CACNA1C: variants seen among roughly 807,000 people sequenced by gnomAD.
The protein encoded by CACNA1C is calcium voltage-gated channel subunit alpha1 C.
CACNA1C carries 30 observed loss-of-function variants against 229.0 expected under a neutral mutation model. The observed-to-expected ratio is 0.13, with a 90% CI of 0.10 to 0.18. CACNA1C has a LOEUF of 0.18. Ranked by LOEUF, CACNA1C falls within the 10% of genes least tolerant of loss-of-function variation. The pLI is 1.00. For missense variants in CACNA1C, 1,658 were observed against 2,845.0 expected (o/e 0.58, Z 9.49); for synonymous variants, 1,114 against 1,132.5 (o/e 0.98, Z 0.33).
At chr12:2,532,045 G>A (rs1000430449) in intron 9 of CACNA1C, among the ~76,000 whole-genome samples, 1 of 152,134 alleles carries the variant, frequency 6.6e-6, no homozygotes, top group Non-Finnish European at 1.5e-5. Context: ...TGGGTGCAGT[G>A]GCATCCTCCC....
rs767514995 is a variant in CACNA1C at position 2,595,863 on chromosome 12, C to G, written c.2664-11C>G. ...TGACTTGTCTCTCCTCCTGTCCCCT[C>G]TCCCGTACAGGTTTCGCCTCCAGTG... On this transcript the variant is annotated splice_polypyrimidine_tract_variant and intron_variant, in intron 19 of 46. Transcript: ENST00000399655. This position sits in a 1 kb window ranked among gnomAD's most constrained non-coding sequence, Gnocchi z 4.1. 21 of 1,612,494 alleles carry G rather than the reference C, an allele frequency of 1.3e-5. No individual in the cohort carries two copies. In the East Asian group the frequency reaches 4.7e-4, roughly 36 times the overall value.
chr12:2,624,008 C>T (rs1055167410), intron 29 of CACNA1C, among the ~76,000 whole-genome samples: 8 of 152,212 alleles, frequency 5.3e-5, no homozygotes, highest in Non-Finnish European at 7.3e-5. Context: ...CTCAAGTGTG[C>T]TCAGACAGTT....
chr12:2,282,272 G>T (rs2091505600), intron 3 of CACNA1C, among the ~76,000 whole-genome samples: 1 of 152,102 alleles, frequency 6.6e-6, no homozygotes, highest in African/African-American at 2.4e-5. Context: ...GCTGGATTAG[G>T]GTACATCCAA....
At chr12:2,185,595 T>A (rs1050228140) in intron 3 of CACNA1C, among the ~76,000 whole-genome samples, 3 of 151,946 alleles carry the variant, frequency 2.0e-5, no homozygotes, top group Non-Finnish European at 4.4e-5. Flanking sequence ...CAGACACACA[T>A]AGAAGGAAAA....
chr12:1,982,207 CT>C (rs1398123551), intron 1 of CACNA1C, among the ~76,000 whole-genome samples: 1 of 151,962 alleles, frequency 6.6e-6, no homozygotes, highest in African/African-American at 2.4e-5. Context: ...GTATTTTTTC[CT>C]TTTTTATTGT....
intron 13 of CACNA1C, among the ~76,000 whole-genome samples, chr12:2,577,919 A>G (rs943804610): frequency 2.0e-5 from 3 of 147,720 alleles, no homozygotes; most frequent in Non-Finnish European, 4.5e-5. Flanking sequence ...CCCAGGCTGG[A>G]GTGCAGTGGC....
chr12:2,259,807 G>T (rs1418610117), intron 3 of CACNA1C, among the ~76,000 whole-genome samples: 18 of 152,262 alleles, frequency 1.2e-4, no homozygotes, highest in Admixed American at 9.8e-4. Context: ...ATGGTGGCAC[G>T]TGCCTTTGGT....
chr12:2,686,113 G>A, intron 44 of CACNA1C, 53 bp from the exon 45 acceptor site: 1 of 1,404,080 alleles, frequency 7.1e-7, no homozygotes, highest in Admixed American at 1.7e-5. Flanking sequence ...AACTGTCACA[G>A]GCCAGTGCCC....
chr12:2,090,310 C>CTTTTTTTTTTTTTTT (rs145675982), intron 1 of CACNA1C, among the ~76,000 whole-genome samples: 4 of 69,188 alleles, frequency 5.8e-5, no homozygotes, highest in African/African-American at 5.8e-5. Flanking sequence ...GGATAGACTA[C>CTTTTTTTTTTTTTTT]TTTTTTTTTT....
rs1455190942 is a variant in CACNA1C at position 2,504,507 on chromosome 12, C to T, written c.1114-335C>T. The T allele has an allele frequency of 2.5e-6, 4 of 1,610,602 alleles. No individual in the cohort carries two copies. The highest frequency in any genetic ancestry group is 2.7e-5 in the African/African-American group (2 of 74,782). On this transcript the variant is annotated intron_variant, in intron 7 of 46. Coordinates refer to ENST00000399655, the MANE Select transcript of CACNA1C (RefSeq NM_000719.7). The surrounding 1 kb of genome is among the most constrained non-coding windows in gnomAD (Gnocchi z 6.8). ...GTCTGGTCATCTTTGGATCCTTTTT[C>T]GTTCTAAATCTGGTTCTCGGTGTGT...
rs1003429068 is a variant in CACNA1C, at chr12:2,597,719, T to G, written c.2853+430T>G. On this transcript the variant is annotated intron_variant, in intron 21 of 46. Coordinates refer to ENST00000399655, the MANE Select transcript of CACNA1C (RefSeq NM_000719.7). The surrounding 1 kb of genome is among the most constrained non-coding windows in gnomAD (Gnocchi z 4.3). ...CACAGCTCCTCCCTCCAGCCACCCC[T>G]AAGCAGTCCGTGGCCTGGAAGGGAC... Among the ~76,000 whole-genome samples, 7 of 152,198 alleles carry G rather than the reference T, an allele frequency of 4.6e-5. No homozygotes were observed. The highest frequency in any genetic ancestry group is 8.8e-5 in the Non-Finnish European group (6 of 68,036).
At chr12:2,070,856 TTTTTCTTTCTTTA>T (rs1405914367) in intron 1 of CACNA1C, among the ~76,000 whole-genome samples, 3 of 151,812 alleles carry the variant, frequency 2.0e-5, no homozygotes, top group East Asian at 1.9e-4. Context: ...TCTCTCTTCC[TTTTTCTTTCTTTA>T]TTTTCTTTCT....
intron 45 of CACNA1C, among the ~76,000 whole-genome samples, chr12:2,687,609 G>A (rs901206964): frequency 6.6e-6 from 1 of 150,730 alleles, no homozygotes; most frequent in Middle Eastern, 3.2e-3. Flanking sequence ...GCACGATCTC[G>A]GCTCACCACA....
chr12:2,547,954 C>T (rs185199885), intron 9 of CACNA1C, among the ~76,000 whole-genome samples: 60 of 152,218 alleles, frequency 3.9e-4, no homozygotes, highest in African/African-American at 1.4e-3. Flanking sequence ...CAGCACTGTA[C>T]TCACACATAA....
At chr12:1,973,102 C>T (rs967776929) in intron 1 of CACNA1C, among the ~76,000 whole-genome samples, 7 of 152,208 alleles carry the variant, frequency 4.6e-5, no homozygotes, top group Admixed American at 2.0e-4. Flanking sequence ...TCACCTTCTG[C>T]GTTAGCTTTA....
At position 2,287,627 on chromosome 12, in the gene CACNA1C, A is replaced by G. The variant is rs1314193986; in HGVS notation, c.478-161349A>G. On this transcript the variant is annotated intron_variant, in intron 3 of 46. Transcript: ENST00000399655. This position sits in a 1 kb window ranked among gnomAD's most constrained non-coding sequence, Gnocchi z 4.6. ...TCATCCCTGGCCACACATAAGAATC[A>G]TCTGGGATCATTTAACAAAAAACAA... is the stretch of plus-strand genomic sequence containing the variant. Among the ~76,000 whole-genome samples the G allele has an allele frequency of 6.6e-6, 1 of 152,192 alleles. No individual in the cohort carries two copies. Among genetic ancestry groups the G allele is most frequent in the East Asian group, 1.9e-4 (1 of 5,192 alleles).
At chr12:2,441,642 C>T (rs941852740) in intron 3 of CACNA1C, among the ~76,000 whole-genome samples, 1 of 152,144 alleles carries the variant, frequency 6.6e-6, no homozygotes. Context: ...AGTTAGCTAC[C>T]GCTTTGGAAG....
At chr12:2,390,033 G>T (rs1195961632) in intron 3 of CACNA1C, among the ~76,000 whole-genome samples, 1 of 152,214 alleles carries the variant, frequency 6.6e-6, no homozygotes, top group East Asian at 1.9e-4. Context: ...AAATCATAGA[G>T]TCGTTGCACC....
intron 13 of CACNA1C, among the ~76,000 whole-genome samples, chr12:2,569,581 A>G (rs2053239647): frequency 6.6e-6 from 1 of 152,214 alleles, no homozygotes. Flanking sequence ...TTGACTTAGA[A>G]TAATGTTTTC....
Sources: allele counts gnomAD v4.1 joint callset (sites outside exome capture counted in the v4.1 genomes callset), GRCh38; gene constraint gnomAD v4.1.1; non-coding constraint Gnocchi (gnomAD v3.1); transcripts MANE v1.5; gene names NCBI Gene and HGNC (gene_info 2026-07-23, HGNC 2026-07-21).